Variants in NEDD4L observed in about 807,000 individuals in gnomAD.
NEDD4L encodes E3 ubiquitin-protein ligase NEDD4-like.
Under a neutral mutation model 148.9 loss-of-function variants are expected in NEDD4L, and 54 were observed. That is an observed-to-expected ratio of 0.36 (90% CI 0.29 to 0.45). The LOEUF (loss-of-function observed/expected upper bound fraction) is 0.45. Ranked by LOEUF, NEDD4L falls within the 20% of genes least tolerant of loss-of-function variation. The probability of loss-of-function intolerance (pLI) is 1.00; values close to 1 mark genes in which losing one functional copy is unlikely to be tolerated. For missense variants in NEDD4L, 856 were observed against 1,233.8 expected (o/e 0.69, Z 4.59); for synonymous variants, 433 against 440.7 (o/e 0.98, Z 0.22).
At chr18:58,241,090 G>A (rs576216903) in intron 2 of NEDD4L, among the ~76,000 whole-genome samples, 2 of 152,206 alleles carry the variant, frequency 1.3e-5, no homozygotes, top group East Asian at 1.9e-4. Flanking sequence ...GATTACAGGC[G>A]CCTGCCTCCA....
In NEDD4L at chr18:58,349,555, T is replaced by A. The variant is rs781320191; in HGVS notation, c.1594T>A (p.Phe532Ile). Residue 532 changes from phenylalanine to isoleucine, a missense_variant, in exon 17 of 31, where the codon TTT (phenylalanine) becomes ATT (isoleucine). Phe to Ile is a conservative substitution (Grantham distance 21, BLOSUM62 0). This residue lies in a region of NEDD4L where 367 missense variants were observed against 422.7 expected (regional missense o/e 0.87). Coordinates refer to ENST00000400345, the MANE Select transcript of NEDD4L (RefSeq NM_001144967.3). ...TTTWEDPRLK[F>I]PVHMRSKTSL... ...CTTGCAGGAAGATCCACGTTTGAAA[T>A]TTCCAGTACATATGCGGTCAAAGAC... The A allele has an allele frequency of 1.2e-6, 2 of 1,613,982 alleles. No individual in the cohort carries two copies. Among genetic ancestry groups the A allele is most frequent in the South Asian group, 2.2e-5 (2 of 91,074 alleles).
chr18:58,333,497 T>C (rs910077356), intron 11 of NEDD4L, among the ~76,000 whole-genome samples: 1 of 152,214 alleles, frequency 6.6e-6, no homozygotes, highest in East Asian at 1.9e-4. Context: ...ACTACAAGAC[T>C]GCTAGCTTCT....
intron 2 of NEDD4L, among the ~76,000 whole-genome samples, chr18:58,232,160 T>C (rs145488436): frequency 6.6e-6 from 1 of 152,300 alleles, no homozygotes; most frequent in Non-Finnish European, 1.5e-5. Context: ...AAGCATGTGC[T>C]CTGACGAGGT....
rs34960405 is a variant in NEDD4L, at chr18:58,371,203, AT to A, written c.2256+760del. On this transcript the variant is annotated intron_variant, in intron 23 of 30. Coordinates refer to ENST00000400345, the MANE Select transcript of NEDD4L (RefSeq NM_001144967.3). ...AGGCACACGCCACCATGCCTGGCTA[AT>A]TTTTTTTTTTTTTTTTTTTTTTTGT... Among the ~76,000 whole-genome samples, 850 of 92,952 alleles carry A rather than the reference AT, an allele frequency of 9.1e-3. 22 individuals carry two copies. In the East Asian group the frequency reaches 0.13, roughly 15 times the overall value. The allele number at this position is 92,952 out of a possible 152,430, so 61.0% of individuals were successfully genotyped here. A position where few individuals can be genotyped will look rare whatever the true frequency, so the allele number is the denominator to read the frequency against.
intron 5 of NEDD4L, among the ~76,000 whole-genome samples, chr18:58,264,141 A>G (rs1289369979): frequency 6.6e-6 from 1 of 152,090 alleles, no homozygotes; most frequent in African/African-American, 2.4e-5. Context: ...TTACTACAGT[A>G]ATTATCTTTT....
At chr18:58,255,516 G>A (rs746347233) in intron 5 of NEDD4L, 23 of 1,230,960 alleles carry the variant, frequency 1.9e-5, no homozygotes, top group East Asian at 3.2e-5. Context: ...TCCCGGTGCC[G>A]CAGTGCTAAC....
At position 58,144,763 on chromosome 18, in the gene NEDD4L, A is replaced by G. The variant is rs566328632; in HGVS notation, c.49-21025A>G. ...ACAGTTCATGTTTTAGTGTGTCTAC[A>G]CACCATTTAATGCAGGTGGACAGAC... On this transcript the variant is annotated intron_variant, in intron 1 of 30. Transcript: ENST00000400345. Among the ~76,000 whole-genome samples, 39 of 152,306 alleles carry G rather than the reference A, an allele frequency of 2.6e-4. No individual in the cohort carries two copies. The East Asian group carries it at 3.5e-3, about 14-fold the overall frequency.
intron 15 of NEDD4L, among the ~76,000 whole-genome samples, chr18:58,342,110 A>G (rs1008850511): frequency 2.0e-5 from 3 of 152,228 alleles, no homozygotes; most frequent in Admixed American, 2.0e-4. Flanking sequence ...CTGTTACCTC[A>G]TTAGAATTGC....
chr18:58,199,936 A>G lies in NEDD4L; in HGVS notation c.122+34075A>G, dbSNP rs193201231. 3.6e-3 allele frequency among the ~76,000 whole-genome samples: 546 copies of G among 152,202 alleles called. 3 individuals are homozygous for G. Among genetic ancestry groups the G allele is most frequent in the African/African-American group, 0.012 (510 of 41,522 alleles). ...TCCTGAACCAATGTAGATCTTAATA[A>G]TAGGGGAAACTGGCTTCAGGGTACG... is the stretch of plus-strand genomic sequence containing the variant. On this transcript the variant is annotated intron_variant, in intron 2 of 30. Coordinates refer to ENST00000400345, the MANE Select transcript of NEDD4L (RefSeq NM_001144967.3).
intron 4 of NEDD4L, 101 bp from the exon 5 acceptor site, chr18:58,251,900 G>T: frequency 1.4e-6 from 1 of 711,250 alleles, no homozygotes. Flanking sequence ...ATACAATTGA[G>T]TTGGGCGCAT....
intron 6 of NEDD4L, among the ~76,000 whole-genome samples, chr18:58,321,838 A>G (rs747669332): frequency 1.3e-4 from 20 of 152,216 alleles, no homozygotes; most frequent in Admixed American, 1.3e-3. Context: ...ACTTCACACA[A>G]TCAAATGAAC....
intron 2 of NEDD4L, among the ~76,000 whole-genome samples, chr18:58,180,656 A>G (rs1207791449): frequency 6.6e-6 from 1 of 152,014 alleles, no homozygotes; most frequent in Non-Finnish European, 1.5e-5. Context: ...TAATTTTCTC[A>G]TTTATTTTAT....
At chr18:58,387,008 G>A (rs1568935626) in intron 26 of NEDD4L, among the ~76,000 whole-genome samples, 7 of 152,090 alleles carry the variant, frequency 4.6e-5, no homozygotes, top group South Asian at 2.1e-4. Flanking sequence ...CTGGAGCATG[G>A]TTTTCTGTAC....
intron 5 of NEDD4L, among the ~76,000 whole-genome samples, chr18:58,287,071 G>C (rs898593706): frequency 5.9e-5 from 9 of 151,752 alleles, no homozygotes; most frequent in African/African-American, 2.2e-4. Context: ...AACTAGGAGA[G>C]CTGTTTTAAA....
chr18:58,303,657 T>G (rs1339535523), intron 5 of NEDD4L, among the ~76,000 whole-genome samples: 1 of 152,196 alleles, frequency 6.6e-6, no homozygotes, highest in Non-Finnish European at 1.5e-5. Flanking sequence ...GCTGATCTTT[T>G]TCTAAGTACT....
At chr18:58,250,758 C>T (rs907307299) in intron 4 of NEDD4L, among the ~76,000 whole-genome samples, 3 of 152,154 alleles carry the variant, frequency 2.0e-5, no homozygotes, top group African/African-American at 7.2e-5. Flanking sequence ...TCTCAATCTC[C>T]CTGGGATCCT....
chr18:58,143,095 A>G (rs539524425), intron 1 of NEDD4L, among the ~76,000 whole-genome samples: 2 of 152,322 alleles, frequency 1.3e-5, no homozygotes, highest in South Asian at 2.1e-4. Context: ...GTACATATTA[A>G]TATCCTTTAG....
intron 2 of NEDD4L, among the ~76,000 whole-genome samples, chr18:58,174,247 T>TAGGGG (rs1348129691): frequency 6.6e-6 from 1 of 152,008 alleles, no homozygotes; most frequent in Non-Finnish European, 1.5e-5. Flanking sequence ...GGGCTCAGAA[T>TAGGGG]AGGGGAGGGG....
chr18:58,367,322 C>T (rs1601758641), intron 21 of NEDD4L: 1 of 165,052 alleles, frequency 6.1e-6, no homozygotes, highest in Non-Finnish European at 1.3e-5. Context: ...GGGTTGGGCC[C>T]ATAGCAAACA....
Sources: gnomAD v4.1 joint callset for allele counts (sites outside exome capture counted in the v4.1 genomes callset) on GRCh38, gnomAD v4.1.1 for gene constraint, gnomAD v4.1.1 regional missense constraint, MANE v1.5 for transcripts, NCBI Gene and HGNC (gene_info 2026-07-23, HGNC 2026-07-21) for gene names.